Variants in CDK14 observed in about 807,000 individuals in gnomAD.
CDK14 encodes the protein cyclin dependent kinase 14.
In CDK14, 34 loss-of-function variants were observed where a neutral mutation model predicts 60.7. The observed-to-expected ratio is 0.56, with a 90% CI of 0.43 to 0.75. The LOEUF (loss-of-function observed/expected upper bound fraction) is 0.75, where lower values mean the gene tolerates loss of function less well. Among genes scored for constraint, CDK14 ranks in the 30% least tolerant of loss-of-function variants. CDK14 has a pLI of 0.00. For synonymous variants in CDK14, 197 were observed against 203.7 expected (o/e 0.97, Z 0.28); for missense variants, 482 against 564.1 (o/e 0.85, Z 1.47).
intron 14 of CDK14, among the ~76,000 whole-genome samples, chr7:91,176,370 A>G (rs940998261): frequency 6.6e-6 from 1 of 152,216 alleles, no homozygotes; most frequent in African/African-American, 2.4e-5. Flanking sequence ...AAGATCCAAA[A>G]TTGACACCCT....
At chr7:90,862,584 G>A (rs1368091278) in intron 5 of CDK14, among the ~76,000 whole-genome samples, 1 of 152,120 alleles carries the variant, frequency 6.6e-6, no homozygotes, top group South Asian at 2.1e-4. Flanking sequence ...GCCTCTCTCA[G>A]TAGTTCATAG....
rs563606824 is a variant in CDK14, at chr7:90,756,001, T to G, written c.464+8226T>G. Among the ~76,000 whole-genome samples the G allele has an allele frequency of 2.0e-5, 3 of 152,324 alleles. No homozygotes were observed. The East Asian group carries it at 5.8e-4, about 29-fold the overall frequency. ...CATCTTCATTTAACAGTCAGGAATC[T>G]TAGGGCTTAGAGAGGTTTAGCATCT... On this transcript the variant is annotated intron_variant, in intron 4 of 14. Coordinates refer to ENST00000380050, the MANE Select transcript of CDK14 (RefSeq NM_001287135.2).
chr7:91,071,678 C>T (rs114402897), intron 11 of CDK14, among the ~76,000 whole-genome samples: 46 of 152,338 alleles, frequency 3.0e-4, no homozygotes, highest in African/African-American at 9.6e-4. Context: ...ACCACAGCTG[C>T]GGGTGCCTGC....
intron 10 of CDK14, among the ~76,000 whole-genome samples, chr7:90,992,536 T>C (rs960231335): frequency 1.3e-5 from 2 of 152,154 alleles, no homozygotes; most frequent in African/African-American, 2.4e-5. Context: ...AGAAAATAAA[T>C]ATATAATGTG....
At chr7:90,714,858 G>T (rs1172802767) in intron 2 of CDK14, among the ~76,000 whole-genome samples, 3 of 152,042 alleles carry the variant, frequency 2.0e-5, no homozygotes, top group Admixed American at 6.6e-5. Context: ...TTATTAAAAA[G>T]ATGGCTATTG....
intron 10 of CDK14, among the ~76,000 whole-genome samples, chr7:91,042,088 CA>C (rs1797107815): frequency 1.3e-5 from 2 of 152,088 alleles, no homozygotes; most frequent in African/African-American, 4.8e-5. Flanking sequence ...GAAGGTCTTT[CA>C]GGAAAAAGTG....
chr7:90,987,339 A>G (rs1284271406), intron 10 of CDK14, among the ~76,000 whole-genome samples: 1 of 152,058 alleles, frequency 6.6e-6, no homozygotes, highest in Non-Finnish European at 1.5e-5. Context: ...GTTAGAGTAC[A>G]GAGACCCTCA....
chr7:91,094,360 G>A (rs537492459), intron 12 of CDK14, among the ~76,000 whole-genome samples: 3 of 152,192 alleles, frequency 2.0e-5, no homozygotes, highest in Non-Finnish European at 4.4e-5. Context: ...AGTCCTAAGG[G>A]ACTCTTTTAA....
At chr7:90,886,792 G>A (rs971934472) in intron 6 of CDK14, among the ~76,000 whole-genome samples, 5 of 152,120 alleles carry the variant, frequency 3.3e-5, no homozygotes, top group Non-Finnish European at 7.4e-5. Flanking sequence ...ATTTTTGAAA[G>A]TTTGCAAGTG....
intron 9 of CDK14, among the ~76,000 whole-genome samples, chr7:90,964,468 A>G (rs1159597976): frequency 6.6e-6 from 1 of 152,218 alleles, no homozygotes; most frequent in Non-Finnish European, 1.5e-5. Context: ...CGAACCAGAA[A>G]ACTGTAACAA....
intron 10 of CDK14, among the ~76,000 whole-genome samples, chr7:90,985,321 AT>A (rs1404076234): frequency 6.6e-6 from 1 of 152,100 alleles, no homozygotes; most frequent in Non-Finnish European, 1.5e-5. Flanking sequence ...TAGTTTTCTC[AT>A]GGGTGAAATG....
chr7:90,685,293 G>A (rs1421752437), intron 2 of CDK14, among the ~76,000 whole-genome samples: 2 of 151,900 alleles, frequency 1.3e-5, no homozygotes, highest in Non-Finnish European at 2.9e-5. Flanking sequence ...GCTTGGGCCT[G>A]TATCTCAATG....
chr7:90,756,736 C>A (rs1017994783), intron 4 of CDK14, among the ~76,000 whole-genome samples: 4 of 152,174 alleles, frequency 2.6e-5, no homozygotes, highest in Admixed American at 2.6e-4. Context: ...TTGTTGGGAT[C>A]CCTGTTCCAA....
intron 14 of CDK14, among the ~76,000 whole-genome samples, chr7:91,149,796 C>T (rs1336238123): frequency 1.3e-5 from 2 of 152,162 alleles, no homozygotes; most frequent in South Asian, 2.1e-4. Flanking sequence ...TTCTGGTTGC[C>T]CTGATACATT....
Position 90,596,555 on chromosome 7 carries a change from C to A in CDK14, c.-73C>A. 2.3e-6 allele frequency: 3 copies of A among 1,317,966 alleles called. No individual in the cohort carries two copies. Among genetic ancestry groups the A allele is most frequent in the Non-Finnish European group, 2.2e-6 (2 of 928,680 alleles). 81.6% of individuals were successfully genotyped at this position (1,317,966 alleles called of 1,614,324 possible). On this transcript the variant is annotated 5_prime_UTR_variant, in exon 1 of 15. Transcript: ENST00000380050. Reference sequence around the variant, plus strand: ...GGAGGAGGCGCCGCTTTCCCCGCGGCGCGCGCCCTCGCCGTTGTCTGAGCT... The same window carrying A: ...GGAGGAGGCGCCGCTTTCCCCGCGGAGCGCGCCCTCGCCGTTGTCTGAGCT...
At position 90,726,915 on chromosome 7, in the gene CDK14, A is replaced by C. The variant is rs189827837; in HGVS notation, c.369+103A>C. ...CAGCAGGAAACTTTATCAGTGCCTT[A>C]TTATGCATTCTCTCCCAGGGTGGTT... On this transcript the variant is annotated intron_variant, in intron 3 of 14. Transcript: ENST00000380050. 7 of 1,342,182 alleles carry C rather than the reference A, an allele frequency of 5.2e-6. No individual in the cohort carries two copies. The South Asian group carries it at 9.7e-5, about 19-fold the overall frequency. 83.1% of individuals were successfully genotyped at this position (1,342,182 alleles called of 1,614,324 possible). A position where few individuals can be genotyped will look rare whatever the true frequency, so the allele number is the denominator to read the frequency against.
chr7:90,902,851 G>T (rs1333787344), intron 7 of CDK14, among the ~76,000 whole-genome samples: 2 of 152,066 alleles, frequency 1.3e-5, no homozygotes, highest in Non-Finnish European at 2.9e-5. Context: ...TCTGACGAGG[G>T]ACTAATATTT....
chr7:91,062,073 G>A (rs1194442402), intron 11 of CDK14, among the ~76,000 whole-genome samples: 1 of 152,162 alleles, frequency 6.6e-6, no homozygotes. Context: ...TGGCTGCTTT[G>A]TTTACCTACT....
intron 4 of CDK14, among the ~76,000 whole-genome samples, chr7:90,765,209 A>C (rs936276857): frequency 6.6e-6 from 1 of 152,232 alleles, no homozygotes; most frequent in African/African-American, 2.4e-5. Context: ...CTAATGAGAA[A>C]GCAATGGTCT....
Sources: gnomAD v4.1 joint callset for allele counts (sites outside exome capture counted in the v4.1 genomes callset) on GRCh38, gnomAD v4.1.1 for gene constraint, MANE v1.5 for transcripts, NCBI Gene and HGNC (gene_info 2026-07-23, HGNC 2026-07-21) for gene names.